CTNNA2: variants seen among roughly 807,000 people sequenced by gnomAD.
CTNNA2 encodes catenin alpha-2.
CTNNA2 carries 42 observed loss-of-function variants against 101.0 expected under a neutral mutation model. That is an observed-to-expected ratio of 0.42 (90% CI 0.32 to 0.54). The LOEUF (loss-of-function observed/expected upper bound fraction) is 0.54, where lower values mean the gene tolerates loss of function less well. Ranked by LOEUF, CTNNA2 falls within the 20% of genes least tolerant of loss-of-function variation. The probability of loss-of-function intolerance (pLI) is 0.14; values close to 1 mark genes in which losing one functional copy is unlikely to be tolerated. For synonymous variants in CTNNA2, 450 were observed against 456.4 expected, an observed-to-expected ratio of 0.99 and a Z score of 0.18; for missense variants, 871 against 1,223.1, an observed-to-expected ratio of 0.71 and a Z score of 4.29.
At chr2:79,434,741 A>T (rs1261239031) in intron 4 of CTNNA2, among the ~76,000 whole-genome samples, 2 of 152,168 alleles carry the variant, frequency 1.3e-5, no homozygotes, top group African/African-American at 4.8e-5. Flanking sequence ...ACCAGAATAC[A>T]TGGGGACCAG....
intron 18 of CTNNA2, among the ~76,000 whole-genome samples, chr2:80,645,633 T>A (rs1673998492): frequency 1.3e-5 from 2 of 152,124 alleles, no homozygotes; most frequent in Non-Finnish European, 2.9e-5. Context: ...TCCCGGGTGA[T>A]GCTGATGCTG....
intron 17 of CTNNA2, among the ~76,000 whole-genome samples, chr2:80,609,808 C>T (rs1698312261): frequency 6.6e-6 from 1 of 151,696 alleles, no homozygotes; most frequent in South Asian, 2.1e-4. Context: ...TCTCAGACTC[C>T]ACAACCTCAT....
chr2:80,304,777 T>A (rs1286629715), intron 7 of CTNNA2: 2 of 152,698 alleles, frequency 1.3e-5, no homozygotes, highest in African/African-American at 4.8e-5. Flanking sequence ...ATTGTGCGTC[T>A]TCCCCGAGCA....
At chr2:80,077,119 C>T (rs546266971) in intron 7 of CTNNA2, among the ~76,000 whole-genome samples, 7 of 152,200 alleles carry the variant, frequency 4.6e-5, no homozygotes, top group Non-Finnish European at 7.4e-5. Flanking sequence ...ATGCCAAGTA[C>T]TGGAGAGGAT....
chr2:79,953,950 T>G (rs1295488267), intron 7 of CTNNA2, among the ~76,000 whole-genome samples: 1 of 152,186 alleles, frequency 6.6e-6, no homozygotes, highest in Non-Finnish European at 1.5e-5. Flanking sequence ...AATAGAATAT[T>G]GTATCAGTTC....
intron 2 of CTNNA2, among the ~76,000 whole-genome samples, chr2:79,310,893 G>T (rs552600313): frequency 4.6e-5 from 7 of 152,132 alleles, no homozygotes; most frequent in Non-Finnish European, 1.0e-4. Flanking sequence ...TTAGACTTGT[G>T]TATTTCTTTA....
At chr2:79,632,917 G>C (rs1031456825) in intron 1 of CTNNA2, among the ~76,000 whole-genome samples, 3 of 152,174 alleles carry the variant, frequency 2.0e-5, no homozygotes, top group Non-Finnish European at 2.9e-5. Flanking sequence ...TGTGGTGAAA[G>C]AGCAACTAGA....
At chr2:80,015,158 C>G (rs1424377123) in intron 7 of CTNNA2, among the ~76,000 whole-genome samples, 1 of 152,112 alleles carries the variant, frequency 6.6e-6, no homozygotes, top group African/African-American at 2.4e-5. Context: ...TTTTCTCATC[C>G]TCACATCTTT....
chr2:79,345,110 A>ATTTT (rs1558637596), intron 3 of CTNNA2, among the ~76,000 whole-genome samples: 1 of 99,944 alleles, frequency 1.0e-5, no homozygotes, highest in African/African-American at 3.5e-5. Flanking sequence ...TTTTTTTTTA[A>ATTTT]AAAAAAAAGC....
At chr2:79,587,041 T>C (rs1292315611) in intron 1 of CTNNA2, among the ~76,000 whole-genome samples, 2 of 152,206 alleles carry the variant, frequency 1.3e-5, no homozygotes, top group Non-Finnish European at 2.9e-5. Flanking sequence ...GATGTATATA[T>C]ACCACATTTT....
rs191676844 is a variant in CTNNA2 at position 79,572,960 on chromosome 2, T to G, written c.-6+59753T>G. Among the ~76,000 whole-genome samples, 171 of 152,272 alleles carry G rather than the reference T, an allele frequency of 1.1e-3. 1 individual carries two copies. Among genetic ancestry groups the G allele is most frequent in the African/African-American group, 3.9e-3 (161 of 41,554 alleles). On this transcript the variant is annotated intron_variant, in intron 1 of 18. Coordinates refer to ENST00000402739, the MANE Select transcript of CTNNA2 (RefSeq NM_001282597.3). ...TTAGTTGCTGCCACGGCCAGAATGT[T>G]TCACATATGGCACATTAATTATATG...
chr2:80,525,846 TGCC>T (rs1450726996), intron 9 of CTNNA2, among the ~76,000 whole-genome samples: 2 of 152,178 alleles, frequency 1.3e-5, no homozygotes, highest in East Asian at 3.9e-4. Context: ...GCAATACGTG[TGCC>T]TGGGACCTGC....
chr2:79,505,238 C>T (rs564230966), intron 5 of CTNNA2: 3 of 152,164 alleles, frequency 2.0e-5, no homozygotes, highest in East Asian at 1.9e-4. Context: ...TGTTTCCTAA[C>T]GTTGCTAATC....
intron 7 of CTNNA2, among the ~76,000 whole-genome samples, chr2:80,262,410 G>A (rs1172153777): frequency 6.6e-6 from 1 of 152,148 alleles, no homozygotes; most frequent in Non-Finnish European, 1.5e-5. Context: ...CAATGCTTGT[G>A]TATAAACAAA....
chr2:80,184,170 G>C (rs1327133904), intron 7 of CTNNA2, among the ~76,000 whole-genome samples: 1 of 152,050 alleles, frequency 6.6e-6, no homozygotes, highest in Non-Finnish European at 1.5e-5. Flanking sequence ...CATAAGAAAA[G>C]TGTGAGTTCT....
chr2:79,412,630 T>C (rs913215465), intron 4 of CTNNA2, among the ~76,000 whole-genome samples: 4 of 151,972 alleles, frequency 2.6e-5, no homozygotes, highest in Non-Finnish European at 5.9e-5. Flanking sequence ...CTGAACAACC[T>C]GCTCCTGAAT....
At chr2:80,210,515 C>A (rs1052302541) in intron 7 of CTNNA2, among the ~76,000 whole-genome samples, 22 of 152,294 alleles carry the variant, frequency 1.4e-4, no homozygotes, top group African/African-American at 4.8e-4. Flanking sequence ...TTTCCAGCTT[C>A]ATCCATGTCC....
At chr2:80,173,596 A>C (rs1350670276) in intron 7 of CTNNA2, among the ~76,000 whole-genome samples, 6 of 152,176 alleles carry the variant, frequency 3.9e-5, no homozygotes, top group Admixed American at 2.6e-4. Flanking sequence ...ACTTCACTGG[A>C]GAAGGTATAG....
chr2:80,505,574 C>T (rs1191797095), intron 9 of CTNNA2, among the ~76,000 whole-genome samples: 1 of 152,178 alleles, frequency 6.6e-6, no homozygotes, highest in Non-Finnish European at 1.5e-5. Context: ...TGGTTTATAT[C>T]AGCAGTGTGG....
Sources: allele counts gnomAD v4.1 joint callset (sites outside exome capture counted in the v4.1 genomes callset), GRCh38; gene constraint gnomAD v4.1.1; transcripts MANE v1.5; gene names NCBI Gene and HGNC (gene_info 2026-07-23, HGNC 2026-07-21).